Variants in NAV3 observed in about 807,000 individuals in gnomAD.
NAV3 encodes the protein neuron navigator 3, also known as pore membrane and/or filament interacting like protein 1.
In NAV3, 87 loss-of-function variants were observed where a neutral mutation model predicts 244.7. That is an observed-to-expected ratio of 0.36 (90% CI 0.30 to 0.42). The LOEUF (loss-of-function observed/expected upper bound fraction) is 0.42. NAV3 is among the 20% of genes least tolerant of loss of function. NAV3 has a pLI of 1.00. For missense variants in NAV3, 2,663 were observed against 2,893.3 expected, an observed-to-expected ratio of 0.92 and a Z score of 1.83; for synonymous variants, 1,126 against 1,042.2, an observed-to-expected ratio of 1.08 and a Z score of -1.55.
chr12:77,660,286 T>C (rs1873374347), intron 2 of NAV3, among the ~76,000 whole-genome samples: 1 of 152,170 alleles, frequency 6.6e-6, no homozygotes, highest in African/African-American at 2.4e-5. Context: ...ACAAAAATTT[T>C]ACCAAGCAGG....
intron 7 of NAV3, among the ~76,000 whole-genome samples, chr12:78,001,634 A>G (rs1201241020): frequency 6.6e-6 from 1 of 152,230 alleles, no homozygotes; most frequent in Admixed American, 6.5e-5. Flanking sequence ...GATACATCTA[A>G]TATCATTTTA....
intron 12 of NAV3, among the ~76,000 whole-genome samples, chr12:78,081,828 T>G (rs535612481): frequency 2.8e-4 from 43 of 152,334 alleles, no homozygotes; most frequent in African/African-American, 9.6e-4. Context: ...TTTCTGAATC[T>G]ACCCACACCA....
chr12:77,824,970 A>G (rs188309598), intron 2 of NAV3, among the ~76,000 whole-genome samples: 15 of 152,332 alleles, frequency 9.8e-5, no homozygotes, highest in Admixed American at 6.5e-4. Flanking sequence ...ATATCTTATC[A>G]GAAGTTGGAT....
rs369385796 is a variant in NAV3 at position 78,021,841 on chromosome 12, C to G, written c.2002C>G (p.Gln668Glu). The change falls in exon 9 of 40, where the codon CAG becomes GAG. Residue 668 changes from glutamine (Q) to glutamate (E), a missense_variant. Gln to Glu is a conservative substitution (Grantham distance 29, BLOSUM62 2). This residue lies in a region of NAV3 where 1,521 missense variants were observed against 1,497.0 expected (regional missense o/e 1.02). Coordinates refer to ENST00000397909, the MANE Select transcript of NAV3 (RefSeq NM_001024383.2). The part of the protein sequence containing the change: ...MDLSYSKTAK[Q>E]CLEEISGEDP... ...CTTATCATATAGTAAGACTGCTAAG[C>G]AGTGCCTGGAGGAGATATCTGGTAA... The G allele has an allele frequency of 1.9e-6, 3 of 1,609,232 alleles. No homozygotes were observed. The highest frequency in any genetic ancestry group is 1.7e-6 in the Non-Finnish European group (2 of 1,177,364).
chr12:77,975,718 TA>T (rs1167272892), intron 5 of NAV3, among the ~76,000 whole-genome samples: 1 of 152,054 alleles, frequency 6.6e-6, no homozygotes, highest in East Asian at 1.9e-4. Context: ...AGAAGAAGAG[TA>T]GATATAATTC....
intron 9 of NAV3, among the ~76,000 whole-genome samples, chr12:78,044,265 G>T (rs1178697803): frequency 1.3e-5 from 2 of 151,950 alleles, no homozygotes; most frequent in Non-Finnish European, 2.9e-5. Context: ...ATTTCTGAGG[G>T]CTCTGTTCTG....
chr12:78,132,386 C>G (rs753987855), intron 18 of NAV3, among the ~76,000 whole-genome samples: 10 of 152,132 alleles, frequency 6.6e-5, no homozygotes, highest in Non-Finnish European at 1.2e-4. Flanking sequence ...GGGTTTCCCC[C>G]CTTAATCTAT....
At chr12:77,724,917 C>T (rs1285541400) in intron 2 of NAV3, among the ~76,000 whole-genome samples, 1 of 151,928 alleles carries the variant, frequency 6.6e-6, no homozygotes, top group Non-Finnish European at 1.5e-5. Context: ...ATTTACACTC[C>T]CTTTAAAATA....
chr12:77,951,647 T>C (rs1258388229), intron 3 of NAV3, among the ~76,000 whole-genome samples: 1 of 152,056 alleles, frequency 6.6e-6, no homozygotes, highest in Non-Finnish European at 1.5e-5. Flanking sequence ...CTATTCACAA[T>C]AGCAAAGACT....
At chr12:77,680,621 T>A (rs960094015) in intron 2 of NAV3, among the ~76,000 whole-genome samples, 2 of 152,224 alleles carry the variant, frequency 1.3e-5, no homozygotes, top group African/African-American at 4.8e-5. Flanking sequence ...TTTTATCCTG[T>A]TTCTCTGTTG....
At chr12:78,155,603 T>C (rs1176720903) in intron 22 of NAV3, among the ~76,000 whole-genome samples, 1 of 152,088 alleles carries the variant, frequency 6.6e-6, no homozygotes, top group Non-Finnish European at 1.5e-5. Flanking sequence ...GTCTTCCACA[T>C]TGGTTGAACT....
chr12:78,029,709 T>C (rs916508430), intron 9 of NAV3, among the ~76,000 whole-genome samples: 3 of 152,212 alleles, frequency 2.0e-5, no homozygotes, highest in East Asian at 1.9e-4. Context: ...TTGTTTGTGG[T>C]TGCTGTTGTT....
intron 8 of NAV3, among the ~76,000 whole-genome samples, chr12:78,012,590 T>G (rs1875497710): frequency 6.6e-6 from 1 of 151,956 alleles, no homozygotes; most frequent in Admixed American, 6.6e-5. Flanking sequence ...AACCAACCTA[T>G]ATTGCTTTAG....
At chr12:78,073,946 T>C (rs1034763715) in intron 12 of NAV3, among the ~76,000 whole-genome samples, 5 of 152,216 alleles carry the variant, frequency 3.3e-5, no homozygotes, top group Non-Finnish European at 1.5e-5. Flanking sequence ...AGCAGAGATA[T>C]GTTCATACTC....
chr12:77,972,183 AGT>A (rs36018341), intron 5 of NAV3, among the ~76,000 whole-genome samples: 36 of 151,890 alleles, frequency 2.4e-4, no homozygotes, highest in African/African-American at 7.7e-4. Context: ...TGTGAGCTTG[AGT>A]GTGTGTGTGT....
intron 2 of NAV3, among the ~76,000 whole-genome samples, chr12:77,666,147 C>A (rs1332088501): frequency 6.6e-6 from 1 of 150,882 alleles, no homozygotes; most frequent in Non-Finnish European, 1.5e-5. Flanking sequence ...TGTAGACATA[C>A]CCTAATTGCT....
intron 7 of NAV3, among the ~76,000 whole-genome samples, chr12:78,003,966 C>A (rs1873764616): frequency 1.3e-5 from 2 of 152,120 alleles, no homozygotes; most frequent in African/African-American, 4.8e-5. Flanking sequence ...AAGGAGTTAC[C>A]CAATTAACTT....
intron 3 of NAV3, among the ~76,000 whole-genome samples, chr12:77,958,680 A>T (rs1390038398): frequency 6.6e-6 from 1 of 152,202 alleles, no homozygotes; most frequent in African/African-American, 2.4e-5. Flanking sequence ...TAGCTCTCAG[A>T]AACTTTTCAT....
intron 18 of NAV3, among the ~76,000 whole-genome samples, chr12:78,131,745 A>T (rs1956175508): frequency 6.6e-6 from 1 of 152,196 alleles, no homozygotes; most frequent in South Asian, 2.1e-4. Flanking sequence ...TCTTGAATGG[A>T]TACATAATAC....
Sources: allele counts gnomAD v4.1 joint callset (sites outside exome capture counted in the v4.1 genomes callset), GRCh38; gene constraint gnomAD v4.1.1; regional missense constraint gnomAD v4.1.1; transcripts MANE v1.5; gene names NCBI Gene and HGNC (gene_info 2026-07-23, HGNC 2026-07-21).